PIGL: variants seen among roughly 807,000 people sequenced by gnomAD.
PIGL encodes the protein N-acetylglucosaminyl-phosphatidylinositol de-N-acetylase.
PIGL carries 22 observed loss-of-function variants against 31.1 expected under a neutral mutation model. The ratio of observed to expected loss-of-function variants is 0.71; its 90% confidence interval spans 0.51 to 1.01. The LOEUF (loss-of-function observed/expected upper bound fraction) is 1.01. Among genes scored for constraint, PIGL ranks in the 50% least tolerant of loss-of-function variants. The pLI is 0.00. For synonymous variants in PIGL, 131 were observed against 117.4 expected (o/e 1.12, Z -0.75); for missense variants, 302 against 315.9 (o/e 0.96, Z 0.33).
intron 2 of PIGL, among the ~76,000 whole-genome samples, chr17:16,266,683 C>T (rs8066726): frequency 0.048 from 7,368 of 151,936 alleles, 608 homozygotes; most frequent in African/African-American, 0.17. Flanking sequence ...GCAAGCTCCG[C>T]GTCCCAGGTT....
At chr17:16,308,219 G>A (rs940328395) in intron 3 of PIGL, among the ~76,000 whole-genome samples, 1 of 152,056 alleles carries the variant, frequency 6.6e-6, no homozygotes, top group Non-Finnish European at 1.5e-5. Context: ...TGTAATCCCA[G>A]CTACTCAGGA....
At chr17:16,263,335 T>C (rs1279927212) in intron 2 of PIGL, among the ~76,000 whole-genome samples, 1 of 151,702 alleles carries the variant, frequency 6.6e-6, no homozygotes, top group African/African-American at 2.4e-5. Context: ...CACACTACCA[T>C]GCCTGGCTAA....
At chr17:16,225,542 C>A (rs903990708) in intron 1 of PIGL, among the ~76,000 whole-genome samples, 12 of 142,284 alleles carry the variant, frequency 8.4e-5, no homozygotes, top group African/African-American at 2.8e-4. Context: ...TCACCTGCCA[C>A]CATGCCCGGC....
intron 3 of PIGL, among the ~76,000 whole-genome samples, chr17:16,313,318 C>T (rs1232140468): frequency 6.6e-6 from 1 of 152,224 alleles, no homozygotes; most frequent in East Asian, 1.9e-4. Flanking sequence ...CCACTCTGCT[C>T]CACTGGCTAG....
intron 2 of PIGL, among the ~76,000 whole-genome samples, chr17:16,290,579 G>A (rs955839361): frequency 1.3e-5 from 2 of 152,032 alleles, no homozygotes; most frequent in Non-Finnish European, 2.9e-5. Flanking sequence ...TTTATTTTTT[G>A]TAGAGATGTA....
At chr17:16,286,385 G>A (rs1287377943) in intron 2 of PIGL, among the ~76,000 whole-genome samples, 1 of 152,046 alleles carries the variant, frequency 6.6e-6, no homozygotes, top group Non-Finnish European at 1.5e-5. Flanking sequence ...AAAGAAGGGG[G>A]GCTTCCCTCA....
At chr17:16,253,290 T>C (rs966532987) in intron 2 of PIGL, among the ~76,000 whole-genome samples, 1 of 151,802 alleles carries the variant, frequency 6.6e-6, no homozygotes, top group Non-Finnish European at 1.5e-5. Context: ...AACAAAAACG[T>C]AAAACAAACA....
In PIGL at chr17:16,234,192, C is replaced by T. The variant is rs186755935; in HGVS notation, c.335+122C>T. On this transcript the variant is annotated intron_variant, in intron 2 of 6. Transcript: ENST00000225609. ...CATCTTGTATGAAAAGTCTAGGGCT[C>T]GGTGCCATGGTTCACGCTTGTAATC... is the stretch of plus-strand genomic sequence containing the variant. 1.1e-4 allele frequency: 69 copies of T among 618,694 alleles called. 1 individual carries two copies. In the Middle Eastern group the frequency reaches 3.1e-3, roughly 28 times the overall value. The allele number at this position is 618,694 out of a possible 1,614,324, so 38.3% of individuals were successfully genotyped here.
At chr17:16,220,359 TAG>T (rs569145419) in intron 1 of PIGL, among the ~76,000 whole-genome samples, 1 of 151,562 alleles carries the variant, frequency 6.6e-6, no homozygotes, top group East Asian at 1.9e-4. Context: ...AAAATATATA[TAG>T]AGAGAGAGAG....
intron 3 of PIGL, among the ~76,000 whole-genome samples, chr17:16,311,287 TTTG>T (rs886595459): frequency 8.5e-6 from 1 of 117,008 alleles, no homozygotes; most frequent in Non-Finnish European, 1.9e-5. Context: ...CAAATTATTA[TTTG>T]TTTTTTCTTT....
At chr17:16,273,434 T>C (rs1042762158) in intron 2 of PIGL, among the ~76,000 whole-genome samples, 2 of 152,214 alleles carry the variant, frequency 1.3e-5, no homozygotes, top group East Asian at 3.8e-4. Context: ...GTCTTAAAAC[T>C]ATAAGGAGCT....
chr17:16,317,759 T>C lies in PIGL; in HGVS notation c.527-16T>C, dbSNP rs774850574. 4 of 1,613,516 alleles carry C rather than the reference T, an allele frequency of 2.5e-6. No individual in the cohort carries two copies. In the Admixed American group the frequency reaches 6.7e-5, roughly 27 times the overall value. ...CCTCAAGGCTTATCACTTCACCCTG[T>C]CTCCTCTCCATCCAGGGTGCTCTGT... is the stretch of plus-strand genomic sequence containing the variant. On this transcript the variant is annotated splice_polypyrimidine_tract_variant and intron_variant, in intron 5 of 6. Coordinates refer to ENST00000225609, the MANE Select transcript of PIGL (RefSeq NM_004278.4).
At chr17:16,318,704 G>A (rs972369946) in intron 6 of PIGL, among the ~76,000 whole-genome samples, 9 of 151,478 alleles carry the variant, frequency 5.9e-5, no homozygotes, top group Non-Finnish European at 1.2e-4. Context: ...AGGCTGAGGC[G>A]GGCAGATCAC....
At chr17:16,311,844 C>A (rs2093051990) in intron 3 of PIGL, among the ~76,000 whole-genome samples, 1 of 151,986 alleles carries the variant, frequency 6.6e-6, no homozygotes, top group African/African-American at 2.4e-5. Context: ...AATGAAGTCT[C>A]CCAGGTCTAC....
chr17:16,257,952 A>T (rs899115924), intron 2 of PIGL, among the ~76,000 whole-genome samples: 4 of 150,966 alleles, frequency 2.6e-5, no homozygotes, highest in Non-Finnish European at 4.4e-5. Context: ...AATCCCAGCT[A>T]CTTGGGAGGT....
At chr17:16,320,952 T>TTG (rs1250308662) in intron 6 of PIGL, among the ~76,000 whole-genome samples, 3 of 120,344 alleles carry the variant, frequency 2.5e-5, no homozygotes, top group Admixed American at 8.3e-5. Context: ...TTTTTTTTTT[T>TTG]TTTGAGACAG....
intron 2 of PIGL, among the ~76,000 whole-genome samples, chr17:16,259,281 GAA>G (rs200555325): frequency 1.9e-4 from 26 of 137,296 alleles, no homozygotes; most frequent in Admixed American, 6.6e-4. Flanking sequence ...GACTTTGCAG[GAA>G]AAAAAAAAAA....
At chr17:16,281,845 C>T (rs902698673) in intron 2 of PIGL, among the ~76,000 whole-genome samples, 6 of 152,206 alleles carry the variant, frequency 3.9e-5, no homozygotes, top group African/African-American at 1.4e-4. Flanking sequence ...GAAGCAGGAG[C>T]TCTGGTACAC....
intron 3 of PIGL, chr17:16,312,609 A>C (rs1451679374): frequency 5.9e-6 from 1 of 168,812 alleles, no homozygotes; most frequent in African/African-American, 2.4e-5. Flanking sequence ...AGATCACGCC[A>C]CTGCACTCCA....
Sources: allele counts gnomAD v4.1 joint callset (sites outside exome capture counted in the v4.1 genomes callset), GRCh38; gene constraint gnomAD v4.1.1; transcripts MANE v1.5; gene names NCBI Gene and HGNC (gene_info 2026-07-23, HGNC 2026-07-21).